Variants in EYS observed in about 807,000 individuals in gnomAD.
EYS encodes EGF-like photoreceptor maintenance factor.
In EYS, 250 loss-of-function variants were observed where a neutral mutation model predicts 282.1. The observed-to-expected ratio is 0.89, with a 90% CI of 0.80 to 0.98. EYS has a LOEUF of 0.98. Among genes scored for constraint, EYS ranks in the 50% least tolerant of loss-of-function variants. The pLI is 0.00. For synonymous variants in EYS, 1,355 were observed against 1,282.9 expected, an observed-to-expected ratio of 1.06 and a Z score of -1.20; for missense variants, 4,016 against 3,709.0, an observed-to-expected ratio of 1.08 and a Z score of -2.15.
At chr6:64,680,401 A>G (rs1402771745) in intron 22 of EYS, among the ~76,000 whole-genome samples, 1 of 152,218 alleles carries the variant, frequency 6.6e-6, no homozygotes, top group Non-Finnish European at 1.5e-5. Context: ...TACTAATTCA[A>G]ATGAGTGCTG....
In EYS at chr6:64,660,920, G is replaced by A. The variant is rs376841036; in HGVS notation, c.3444-34675C>T. 5.3e-5 allele frequency among the ~76,000 whole-genome samples: 8 copies of A among 152,240 alleles called. No individual in the cohort carries two copies. In the South Asian group the frequency reaches 8.3e-4, roughly 16 times the overall value. ...TTCATATGGAAACAAAAATGAGCCCGCATTGCCAAGTCAATCCTAAGCCAA... is the reference window on the plus strand; with the variant it reads ...TTCATATGGAAACAAAAATGAGCCCACATTGCCAAGTCAATCCTAAGCCAA... On this transcript the variant is annotated intron_variant, in intron 22 of 42. Coordinates refer to ENST00000503581, the MANE Select transcript of EYS (RefSeq NM_001142800.2).
At chr6:65,408,471 G>A (rs921754137) in intron 5 of EYS, among the ~76,000 whole-genome samples, 8 of 151,946 alleles carry the variant, frequency 5.3e-5, no homozygotes, top group African/African-American at 1.9e-4. Context: ...ATATATTTAA[G>A]AATTTATTCA....
chr6:65,519,861 C>G (rs954798492), intron 2 of EYS, among the ~76,000 whole-genome samples: 12 of 147,018 alleles, frequency 8.2e-5, no homozygotes, highest in African/African-American at 3.0e-4. Flanking sequence ...GGATTACAGG[C>G]ACATGCCATC....
At chr6:64,040,302 C>T (rs1160516804) in intron 33 of EYS, among the ~76,000 whole-genome samples, 1 of 152,066 alleles carries the variant, frequency 6.6e-6, no homozygotes, top group African/African-American at 2.4e-5. Context: ...ACTAGTAATG[C>T]TATGGGGGTG....
At chr6:64,660,853 C>T (rs985629799) in intron 22 of EYS, among the ~76,000 whole-genome samples, 1 of 152,138 alleles carries the variant, frequency 6.6e-6, no homozygotes, top group Non-Finnish European at 1.5e-5. Context: ...CATCAAGCTA[C>T]CAATTACTTT....
At chr6:64,280,927 A>G (rs758731233) in intron 30 of EYS, among the ~76,000 whole-genome samples, 1 of 152,114 alleles carries the variant, frequency 6.6e-6, no homozygotes, top group Non-Finnish European at 1.5e-5. Flanking sequence ...TAAAATATTT[A>G]TATGCAGTTT....
intron 26 of EYS, among the ~76,000 whole-genome samples, chr6:64,540,673 G>A (rs527376220): frequency 1.8e-4 from 28 of 151,846 alleles, no homozygotes; most frequent in Non-Finnish European, 2.6e-4. Context: ...TAGCAGATAC[G>A]GGGTTTTGCC....
intron 31 of EYS, among the ~76,000 whole-genome samples, chr6:64,133,698 T>C (rs562301905): frequency 3.2e-4 from 48 of 152,230 alleles, no homozygotes; most frequent in South Asian, 1.0e-3. Flanking sequence ...ATGCTACCCA[T>C]ATATGTATCT....
chr6:64,224,218 C>T (rs1178959382), intron 31 of EYS, among the ~76,000 whole-genome samples: 2 of 152,004 alleles, frequency 1.3e-5, no homozygotes, highest in Non-Finnish European at 2.9e-5. Flanking sequence ...TTCTATGCTT[C>T]CAAATTATTA....
intron 22 of EYS, among the ~76,000 whole-genome samples, chr6:64,687,277 T>A (rs149693268): frequency 1.5e-4 from 23 of 152,208 alleles, no homozygotes; most frequent in African/African-American, 5.1e-4. Flanking sequence ...TGAACATGAT[T>A]GTAAAAATTA....
chr6:64,451,283 C>A (rs1052475666), intron 26 of EYS, among the ~76,000 whole-genome samples: 1 of 152,182 alleles, frequency 6.6e-6, no homozygotes, highest in Non-Finnish European at 1.5e-5. Context: ...TTCCATGACA[C>A]ACACACTCTC....
At chr6:63,845,737 C>A (rs906478032) in intron 36 of EYS, among the ~76,000 whole-genome samples, 17 of 152,092 alleles carry the variant, frequency 1.1e-4, no homozygotes, top group African/African-American at 4.1e-4. Flanking sequence ...AATTTGTAGC[C>A]TTTTGTTTAT....
intron 41 of EYS, among the ~76,000 whole-genome samples, chr6:63,761,303 C>A (rs1303421533): frequency 6.6e-6 from 1 of 151,900 alleles, no homozygotes; most frequent in African/African-American, 2.4e-5. Flanking sequence ...CAAGATTGAT[C>A]CCTAATGTCA....
chr6:63,852,887 T>C (rs1772296616), intron 36 of EYS, among the ~76,000 whole-genome samples: 1 of 152,154 alleles, frequency 6.6e-6, no homozygotes, highest in African/African-American at 2.4e-5. Context: ...AAAAACCACA[T>C]GATTATCCCT....
intron 33 of EYS, among the ~76,000 whole-genome samples, chr6:64,050,865 A>T (rs780625253): frequency 5.9e-4 from 90 of 152,214 alleles, no homozygotes; most frequent in Non-Finnish European, 1.1e-3. Flanking sequence ...AAGGCAGTTT[A>T]TGTTAAAAAG....
At chr6:65,100,174 T>C (rs989324618) in intron 12 of EYS, among the ~76,000 whole-genome samples, 4 of 150,860 alleles carry the variant, frequency 2.7e-5, no homozygotes, top group South Asian at 2.1e-4. Context: ...TTACCAGATA[T>C]GATGCAAATA....
intron 12 of EYS, among the ~76,000 whole-genome samples, chr6:65,156,634 C>CTCAG (rs1425525154): frequency 6.6e-6 from 1 of 151,160 alleles, no homozygotes; most frequent in Non-Finnish European, 1.5e-5. Flanking sequence ...CTCCACATTC[C>CTCAG]TCAGTCATTA....
chr6:63,961,539 C>T (rs1421929037), intron 35 of EYS, among the ~76,000 whole-genome samples: 1 of 152,098 alleles, frequency 6.6e-6, no homozygotes, highest in Non-Finnish European at 1.5e-5. Flanking sequence ...TCTTTTCAGA[C>T]TCAGCCCGCC....
chr6:63,941,889 A>G, intron 35 of EYS, among the ~76,000 whole-genome samples: 1 of 152,194 alleles, frequency 6.6e-6, no homozygotes, highest in East Asian at 1.9e-4. Context: ...CTTGTTCTGA[A>G]TTGGTTCCAT....
Sources: gnomAD v4.1 joint callset for allele counts (sites outside exome capture counted in the v4.1 genomes callset) on GRCh38, gnomAD v4.1.1 for gene constraint, MANE v1.5 for transcripts, NCBI Gene and HGNC (gene_info 2026-07-23, HGNC 2026-07-21) for gene names.